Variants in GRIA1 observed in about 807,000 individuals in gnomAD.
The protein encoded by GRIA1 is glutamate receptor 1.
A neutral mutation model predicts 99.2 loss-of-function variants in GRIA1; 31 were observed. The observed-to-expected ratio is 0.31, with a 90% CI of 0.23 to 0.42. The LOEUF (loss-of-function observed/expected upper bound fraction) is 0.42. Among genes scored for constraint, GRIA1 ranks in the 10% least tolerant of loss-of-function variants. The pLI, the probability that GRIA1 is intolerant of heterozygous loss-of-function variation, is 1.00. For missense variants in GRIA1, 782 were observed against 1,157.5 expected, an observed-to-expected ratio of 0.68 and a Z score of 4.71; for synonymous variants, 438 against 432.4, an observed-to-expected ratio of 1.01 and a Z score of -0.16.
At position 153,813,464 on chromosome 5, in the gene GRIA1, T is replaced by C. The variant is rs1157688047; in HGVS notation, c.*2239T>C. 6 of 152,184 alleles carry C rather than the reference T, an allele frequency of 3.9e-5. No individual in the cohort carries two copies. The highest frequency in any genetic ancestry group is 7.4e-5 in the Non-Finnish European group (5 of 68,014). 9.4% of individuals were successfully genotyped at this position (152,184 alleles called of 1,614,324 possible). On this transcript the variant is annotated 3_prime_UTR_variant, in exon 16 of 16. Transcript: ENST00000285900. ...TTGTGCTAGAAATGAGGGTCTATGC[T>C]ATGAGGGGGTCCAAGACTCTGGCGA... is the stretch of plus-strand genomic sequence containing the variant.
intron 13 of GRIA1, among the ~76,000 whole-genome samples, chr5:153,785,074 G>A (rs201325640): frequency 6.6e-6 from 1 of 152,116 alleles, no homozygotes; most frequent in Non-Finnish European, 1.5e-5. Flanking sequence ...TCCTCCACAG[G>A]CCTATGTGTG....
chr5:153,590,485 C>T (rs542851093), intron 2 of GRIA1, among the ~76,000 whole-genome samples: 4 of 149,990 alleles, frequency 2.7e-5, no homozygotes, highest in African/African-American at 9.9e-5. Flanking sequence ...TTAAAATGTG[C>T]AAACTCAACA....
intron 10 of GRIA1, among the ~76,000 whole-genome samples, chr5:153,705,167 G>A (rs1287347221): frequency 2.0e-5 from 3 of 152,194 alleles, no homozygotes; most frequent in African/African-American, 7.2e-5. Context: ...CCTGAATTAT[G>A]ACATAAGGGG....
chr5:153,543,862 C>T (rs1759360769), intron 2 of GRIA1, among the ~76,000 whole-genome samples: 1 of 152,026 alleles, frequency 6.6e-6, no homozygotes, highest in Non-Finnish European at 1.5e-5. Flanking sequence ...AAAGTGCCTG[C>T]CCTCAGTGAG....
At chr5:153,535,065 G>C (rs1758441415) in intron 2 of GRIA1, among the ~76,000 whole-genome samples, 1 of 152,116 alleles carries the variant, frequency 6.6e-6, no homozygotes, top group African/African-American at 2.4e-5. Flanking sequence ...CGGATTACAG[G>C]CATGCATCAC....
intron 11 of GRIA1, among the ~76,000 whole-genome samples, chr5:153,729,263 T>A (rs1760828455): frequency 6.6e-6 from 1 of 151,870 alleles, no homozygotes; most frequent in Admixed American, 6.6e-5. Flanking sequence ...AGCGATAGCA[T>A]TAGGAGATAT....
chr5:153,575,860 C>A (rs989736422), intron 2 of GRIA1, among the ~76,000 whole-genome samples: 1 of 152,170 alleles, frequency 6.6e-6, no homozygotes, highest in African/African-American at 2.4e-5. Context: ...GGCAGTTAGA[C>A]AAGGGAGTGA....
At chr5:153,699,389 G>A (rs1438009839) in intron 10 of GRIA1, among the ~76,000 whole-genome samples, 1 of 152,114 alleles carries the variant, frequency 6.6e-6, no homozygotes, top group Non-Finnish European at 1.5e-5. Context: ...GTCACTTGTG[G>A]CTCTCTCAGT....
At chr5:153,635,860 A>G (rs917821657) in intron 2 of GRIA1, among the ~76,000 whole-genome samples, 54 of 152,256 alleles carry the variant, frequency 3.5e-4, no homozygotes, top group Middle Eastern at 6.8e-3. Context: ...ATCTCATCAG[A>G]GTGGCTTTTA....
chr5:153,512,391 C>T (rs17114692), intron 2 of GRIA1, among the ~76,000 whole-genome samples: 1 of 152,060 alleles, frequency 6.6e-6, no homozygotes, highest in Non-Finnish European at 1.5e-5. Flanking sequence ...GTTGGAGGCT[C>T]TGAGAAGGAA....
chr5:153,750,325 C>T lies in GRIA1; in HGVS notation c.1824-14109C>T, dbSNP rs549652033. On this transcript the variant is annotated intron_variant, in intron 11 of 15. Transcript: ENST00000285900. ...CCATCTGAGCCTGTGCCTTTATGCCCGTTTTCATTCCTTTTTATAAATAGC... is the reference window on the plus strand; with the variant it reads ...CCATCTGAGCCTGTGCCTTTATGCCTGTTTTCATTCCTTTTTATAAATAGC... 2.8e-4 allele frequency among the ~76,000 whole-genome samples: 43 copies of T among 152,168 alleles called. 1 individual carries two copies. Among genetic ancestry groups the T allele is most frequent in the African/African-American group, 8.9e-4 (37 of 41,520 alleles).
chr5:153,511,056 C>A (rs570725510), intron 2 of GRIA1, among the ~76,000 whole-genome samples: 2 of 152,228 alleles, frequency 1.3e-5, no homozygotes, highest in African/African-American at 4.8e-5. Context: ...TTGTTAATTT[C>A]TAAAAAAGAG....
At chr5:153,638,466 G>A (rs1581381189) in intron 2 of GRIA1, among the ~76,000 whole-genome samples, 1 of 152,238 alleles carries the variant, frequency 6.6e-6, no homozygotes, top group African/African-American at 2.4e-5. Flanking sequence ...TCTGTTCACA[G>A]CACCTTAATT....
intron 10 of GRIA1, among the ~76,000 whole-genome samples, chr5:153,700,031 C>T (rs754048781): frequency 1.3e-5 from 2 of 152,156 alleles, no homozygotes; most frequent in Non-Finnish European, 2.9e-5. Context: ...CAGCTAAGGG[C>T]TAACTAGAGT....
rs571630018 is a variant in GRIA1 at position 153,723,905 on chromosome 5, A to G, written c.1823+17838A>G. ...TGAAGAGAGCAGTGGTTCTCCCATC[A>G]TGCAGCTGGAGATCTGAGAACGGGC... is the stretch of plus-strand genomic sequence containing the variant. On this transcript the variant is annotated intron_variant, in intron 11 of 15. Transcript: ENST00000285900. Among the ~76,000 whole-genome samples the G allele has an allele frequency of 3.2e-3, 494 of 152,320 alleles. 5 individuals are homozygous for G. The highest frequency in any genetic ancestry group is 0.012 in the African/African-American group (482 of 41,578).
chr5:153,622,548 C>G (rs572067436), intron 2 of GRIA1, among the ~76,000 whole-genome samples: 1 of 152,084 alleles, frequency 6.6e-6, no homozygotes, highest in East Asian at 1.9e-4. Flanking sequence ...CTTTGCCATG[C>G]CTGGCAGCTT....
intron 13 of GRIA1, among the ~76,000 whole-genome samples, chr5:153,780,608 A>T (rs1014880604): frequency 3.3e-5 from 5 of 152,248 alleles, no homozygotes; most frequent in African/African-American, 1.2e-4. Flanking sequence ...AGTGTTAATT[A>T]TCCTTATTTA....
intron 4 of GRIA1, among the ~76,000 whole-genome samples, chr5:153,651,279 A>G (rs370677397): frequency 9.7e-4 from 148 of 152,134 alleles, no homozygotes; most frequent in African/African-American, 3.5e-3. Flanking sequence ...AGGCACCTTT[A>G]TTTCCATTGT....
At chr5:153,492,179 T>C (rs1261608068) in intron 1 of GRIA1, 4 of 1,521,756 alleles carry the variant, frequency 2.6e-6, no homozygotes, top group Non-Finnish European at 2.6e-6. Flanking sequence ...GTGGTGCAAT[T>C]GATATTTTGT....
Sources: gnomAD v4.1 joint callset for allele counts (sites outside exome capture counted in the v4.1 genomes callset) on GRCh38, gnomAD v4.1.1 for gene constraint, MANE v1.5 for transcripts, NCBI Gene and HGNC (gene_info 2026-07-23, HGNC 2026-07-21) for gene names.